The following STAG1 variants were observed in gnomAD, a reference collection of about 807,000 sequenced individuals.
STAG1 encodes cohesin subunit SA-1.
A neutral mutation model predicts 170.9 loss-of-function variants in STAG1; 26 were observed. That is an observed-to-expected ratio of 0.15 (90% CI 0.11 to 0.21). The LOEUF (loss-of-function observed/expected upper bound fraction) is 0.21, where lower values mean the gene tolerates loss of function less well. STAG1 is among the 10% of genes least tolerant of loss of function. STAG1 has a pLI of 1.00. For missense variants in STAG1, 964 were observed against 1,509.5 expected (o/e 0.64, Z 5.99); for synonymous variants, 514 against 497.7 (o/e 1.03, Z -0.44).
Position 136,567,153 on chromosome 3 carries a change from A to G in STAG1, c.394+1612T>C, listed in dbSNP as rs547727711. ...CTTTTTTATTTTGAACCATGAAAAT[A>G]AATTTCAAAAGGAAAAATTTTAAAC... On this transcript the variant is annotated intron_variant, in intron 5 of 33. Coordinates refer to ENST00000383202, the MANE Select transcript of STAG1 (RefSeq NM_005862.3). Among the ~76,000 whole-genome samples the G allele has an allele frequency of 4.6e-5, 7 of 152,356 alleles. No homozygotes were observed. The South Asian group carries it at 1.4e-3, about 32-fold the overall frequency.
At chr3:136,477,972 T>G (rs142046040) in intron 9 of STAG1, among the ~76,000 whole-genome samples, 1 of 152,014 alleles carries the variant, frequency 6.6e-6, no homozygotes, top group Non-Finnish European at 1.5e-5. Flanking sequence ...GTATTTTTAG[T>G]AGAGATGGGG....
At chr3:136,493,942 T>C (rs1932927616) in intron 9 of STAG1, among the ~76,000 whole-genome samples, 1 of 152,066 alleles carries the variant, frequency 6.6e-6, no homozygotes, top group Admixed American at 6.6e-5. Flanking sequence ...GCCTGAGAAA[T>C]ACAAATTACC....
At chr3:136,410,925 T>C (rs2087608233) in intron 21 of STAG1, among the ~76,000 whole-genome samples, 1 of 151,928 alleles carries the variant, frequency 6.6e-6, no homozygotes, top group African/African-American at 2.4e-5. Context: ...CACGGTGGCA[T>C]ATGCCTGTCA....
At chr3:136,704,766 T>A (rs1201234906) in intron 1 of STAG1, among the ~76,000 whole-genome samples, 16 of 132,840 alleles carry the variant, frequency 1.2e-4, no homozygotes, top group African/African-American at 3.2e-4. Context: ...GGGGTTGCAG[T>A]GAGCTGAGAT....
intron 4 of STAG1, among the ~76,000 whole-genome samples, chr3:136,598,435 CT>C (rs1217043878): frequency 7.5e-4 from 100 of 133,468 alleles, no homozygotes; most frequent in African/African-American, 2.7e-3. Context: ...TTTTTTTTTT[CT>C]TTTTTTTTGA....
At chr3:136,550,993 A>G (rs2107737691) in intron 5 of STAG1, among the ~76,000 whole-genome samples, 1 of 152,190 alleles carries the variant, frequency 6.6e-6, no homozygotes, top group East Asian at 1.9e-4. Context: ...TTAATCATGA[A>G]CATCTAGATG....
rs1437335205 is a variant in STAG1, at chr3:136,423,079, T to G, written c.1651-35A>C. 2.8e-6 allele frequency: 4 copies of G among 1,424,500 alleles called. No individual in the cohort carries two copies. The East Asian group carries it at 9.3e-5, about 33-fold the overall frequency. 88.2% of individuals were successfully genotyped at this position (1,424,500 alleles called of 1,614,324 possible). ...AAATCGGAAAAGAAGAAGAGTATTG[T>G]GTTAAATTATAAATCCAAACTGTTA... On this transcript the variant is annotated intron_variant, in intron 16 of 33. Coordinates refer to ENST00000383202, the MANE Select transcript of STAG1 (RefSeq NM_005862.3).
chr3:136,339,293 G>A (rs1300298964), intron 32 of STAG1, among the ~76,000 whole-genome samples: 2 of 152,168 alleles, frequency 1.3e-5, no homozygotes, highest in Non-Finnish European at 2.9e-5. Flanking sequence ...TGTAATCCCA[G>A]GTGGGCGGAT....
At chr3:136,632,133 A>T (rs1940355372) in intron 1 of STAG1, among the ~76,000 whole-genome samples, 2 of 152,242 alleles carry the variant, frequency 1.3e-5, no homozygotes, top group Admixed American at 6.5e-5. Flanking sequence ...GGAAAAAAAA[A>T]GTCAACCCTG....
intron 6 of STAG1, among the ~76,000 whole-genome samples, chr3:136,540,815 G>A (rs1240655315): frequency 5.1e-5 from 2 of 39,210 alleles, no homozygotes; most frequent in Non-Finnish European, 1.1e-4. Context: ...GAGTGAAACT[G>A]TGTCTCCAAA....
chr3:136,564,276 A>G (rs1403172520), intron 5 of STAG1, among the ~76,000 whole-genome samples: 3 of 152,228 alleles, frequency 2.0e-5, no homozygotes, highest in South Asian at 2.1e-4. Flanking sequence ...GAGTCAACAG[A>G]TAAGACATAA....
In STAG1 at chr3:136,477,298, A is replaced by T; in HGVS notation, c.1017T>A (p.Leu339=). The change falls in exon 10 of 34, where the codon CTT becomes CTA. Residue 339 remains leucine, a synonymous_variant. Coordinates refer to ENST00000383202, the MANE Select transcript of STAG1 (RefSeq NM_005862.3). ...DSYLKYVGWT[L]HDRQGEVRLK... ...GAACAGAGTAACTTACCCTGTCATG[A>T]AGAGTCCAGCCAACATATTTTAGGT... 6.2e-7 allele frequency: 1 copy of T among 1,612,148 alleles called. No homozygotes were observed. The highest frequency in any genetic ancestry group is 8.5e-7 in the Non-Finnish European group (1 of 1,179,254).
intron 1 of STAG1, among the ~76,000 whole-genome samples, chr3:136,715,090 G>A (rs1170118023): frequency 6.9e-6 from 1 of 145,170 alleles, no homozygotes; most frequent in Non-Finnish European, 1.5e-5. Flanking sequence ...AAATACAAAG[G>A]GGCGCACAGT....
chr3:136,679,746 A>T (rs1388528410), intron 1 of STAG1, among the ~76,000 whole-genome samples: 8 of 151,308 alleles, frequency 5.3e-5, no homozygotes, highest in Admixed American at 1.3e-4. Context: ...AAAAAAAAAA[A>T]AAAAAATCAG....
intron 1 of STAG1, among the ~76,000 whole-genome samples, chr3:136,719,032 G>A (rs1425346438): frequency 1.3e-5 from 2 of 152,124 alleles, no homozygotes; most frequent in African/African-American, 4.8e-5. Flanking sequence ...ACATGACCGA[G>A]CAATTCCAAT....
intron 5 of STAG1, among the ~76,000 whole-genome samples, chr3:136,560,115 T>C (rs1936781574): frequency 6.6e-6 from 1 of 152,290 alleles, no homozygotes; most frequent in Non-Finnish European, 1.5e-5. Context: ...TAAGTGCTCC[T>C]AGGTGATTAA....
At chr3:136,614,402 C>T (rs1055609483) in intron 3 of STAG1, among the ~76,000 whole-genome samples, 1 of 152,020 alleles carries the variant, frequency 6.6e-6, no homozygotes, top group Non-Finnish European at 1.5e-5. Context: ...TTCATTACTG[C>T]AGGTAATTCA....
intron 13 of STAG1, among the ~76,000 whole-genome samples, chr3:136,458,614 G>C (rs2089186174): frequency 6.7e-6 from 1 of 148,432 alleles, no homozygotes; most frequent in Non-Finnish European, 1.5e-5. Context: ...AAAAATCAAT[G>C]GGATCTACAA....
At chr3:136,666,309 A>C (rs1941772560) in intron 1 of STAG1, among the ~76,000 whole-genome samples, 1 of 152,060 alleles carries the variant, frequency 6.6e-6, no homozygotes, top group South Asian at 2.1e-4. Context: ...TTTTGGTCTT[A>C]TAAGACTCTT....
Sources: gnomAD v4.1 joint callset for allele counts (sites outside exome capture counted in the v4.1 genomes callset) on GRCh38, gnomAD v4.1.1 for gene constraint, MANE v1.5 for transcripts, NCBI Gene and HGNC (gene_info 2026-07-23, HGNC 2026-07-21) for gene names.